The following PAN3 variants were observed in gnomAD, a reference collection of about 807,000 sequenced individuals.
PAN3 encodes the protein PAN2-PAN3 deadenylation complex subunit PAN3.
Under a neutral mutation model 96.2 loss-of-function variants are expected in PAN3, and 19 were observed. The observed-to-expected ratio is 0.20, with a 90% confidence interval of 0.14 to 0.29. PAN3 has a LOEUF of 0.29. Among genes scored for constraint, PAN3 ranks in the 10% least tolerant of loss-of-function variants. PAN3 has a pLI of 1.00. For synonymous variants in PAN3, 433 were observed against 406.6 expected (o/e 1.06, Z -0.78); for missense variants, 882 against 1,108.1 (o/e 0.80, Z 2.90).
intron 1 of PAN3, among the ~76,000 whole-genome samples, chr13:28,155,574 G>A (rs1872033092): frequency 6.6e-6 from 1 of 152,078 alleles, no homozygotes; most frequent in South Asian, 2.1e-4. Flanking sequence ...GGGCAACAGA[G>A]TGAGACTCCA....
intron 1 of PAN3, among the ~76,000 whole-genome samples, chr13:28,146,253 ATG>A (rs1870615752): frequency 6.6e-6 from 1 of 151,718 alleles, no homozygotes; most frequent in Admixed American, 6.6e-5. Context: ...ATTAAAATAT[ATG>A]TATACCATAT....
chr13:28,154,329 C>T (rs114795612), intron 1 of PAN3, among the ~76,000 whole-genome samples: 1 of 152,002 alleles, frequency 6.6e-6, no homozygotes, highest in African/African-American at 2.4e-5. Flanking sequence ...GGGATCTCAG[C>T]TGGGTACCTG....
intron 5 of PAN3, 58 bp downstream of exon 5, chr13:28,197,404 G>A: frequency 6.7e-7 from 1 of 1,482,018 alleles, no homozygotes; most frequent in African/African-American, 1.4e-5. Context: ...TGCTTTCTGT[G>A]TCTGTTTGGG....
chr13:28,252,685 A>T (rs1884832582), intron 6 of PAN3, among the ~76,000 whole-genome samples: 1 of 152,084 alleles, frequency 6.6e-6, no homozygotes, highest in Non-Finnish European at 1.5e-5. Context: ...TAAATATCTC[A>T]GTTTGCATGT....
chr13:28,167,209 T>G (rs1333232296), intron 1 of PAN3, among the ~76,000 whole-genome samples: 1 of 151,804 alleles, frequency 6.6e-6, no homozygotes, highest in East Asian at 1.9e-4. Context: ...CCCCGTTTTT[T>G]ATTTTGAGAC....
chr13:28,249,542 G>C (rs1299072820), intron 6 of PAN3, among the ~76,000 whole-genome samples: 2 of 151,958 alleles, frequency 1.3e-5, no homozygotes, highest in African/African-American at 4.8e-5. Flanking sequence ...TCCACCTCCT[G>C]GGTTCAAGTG....
intron 5 of PAN3, among the ~76,000 whole-genome samples, chr13:28,207,317 T>A (rs1274109585): frequency 6.6e-6 from 1 of 152,206 alleles, no homozygotes; most frequent in Non-Finnish European, 1.5e-5. Context: ...ATAATGTAGA[T>A]CCACCTTTAA....
intron 17 of PAN3, 77 bp downstream of exon 17, chr13:28,281,456 C>A: frequency 7.8e-7 from 1 of 1,286,922 alleles, no homozygotes; most frequent in Non-Finnish European, 1.1e-6. Context: ...GTATGCCTGG[C>A]TTTATTTGGA....
intron 14 of PAN3, among the ~76,000 whole-genome samples, chr13:28,275,439 A>G (rs1391880097): frequency 1.3e-5 from 2 of 152,180 alleles, no homozygotes; most frequent in Admixed American, 1.3e-4. Context: ...GGTGGAACCA[A>G]ACTGAAAATT....
intron 1 of PAN3, among the ~76,000 whole-genome samples, chr13:28,154,410 C>G (rs1055549057): frequency 1.3e-5 from 2 of 151,814 alleles, no homozygotes; most frequent in Non-Finnish European, 2.9e-5. Flanking sequence ...TTACTATAGG[C>G]CTTGCTGTGG....
intron 1 of PAN3, among the ~76,000 whole-genome samples, chr13:28,165,020 G>A (rs1453782511): frequency 3.3e-5 from 5 of 152,192 alleles, no homozygotes; most frequent in Non-Finnish European, 7.3e-5. Context: ...TGATTCTCCT[G>A]CCTCAGCCTC....
intron 15 of PAN3, among the ~76,000 whole-genome samples, chr13:28,278,728 A>AGTC (rs1306067505): frequency 6.6e-6 from 1 of 152,134 alleles, no homozygotes; most frequent in African/African-American, 2.4e-5. Context: ...TACCATTATT[A>AGTC]GTCCCATTTT....
chr13:28,224,024 G>A (rs574404116), intron 6 of PAN3, among the ~76,000 whole-genome samples: 5 of 151,296 alleles, frequency 3.3e-5, no homozygotes, highest in East Asian at 3.9e-4. Flanking sequence ...GCCCGCCACC[G>A]CGCCCGGCTA....
intron 6 of PAN3, among the ~76,000 whole-genome samples, chr13:28,237,235 T>C (rs1883197008): frequency 6.6e-6 from 1 of 152,156 alleles, no homozygotes; most frequent in Admixed American, 6.5e-5. Context: ...TGCTCCTCTT[T>C]TAAAATCTTT....
intron 7 of PAN3, 147 bp from the exon 8 acceptor site, chr13:28,260,300 A>T (rs754935773): frequency 4.2e-4 from 222 of 529,330 alleles, no homozygotes; most frequent in Admixed American, 1.5e-3. Context: ...AGGCTGAGGC[A>T]GGAGAATCAC....
intron 6 of PAN3, 43 bp downstream of exon 6, chr13:28,220,421 C>T: frequency 6.3e-7 from 1 of 1,575,984 alleles, no homozygotes; most frequent in Admixed American, 1.8e-5. Flanking sequence ...GATACCATGT[C>T]TGTAAGCACC....
intron 6 of PAN3, among the ~76,000 whole-genome samples, chr13:28,225,720 T>TG (rs1443924406): frequency 6.6e-6 from 1 of 152,220 alleles, no homozygotes; most frequent in Non-Finnish European, 1.5e-5. Context: ...TCCATCCACT[T>TG]GTCCTAGTCC....
At chr13:28,140,218 G>C (rs1869519978) in intron 1 of PAN3, among the ~76,000 whole-genome samples, 1 of 152,146 alleles carries the variant, frequency 6.6e-6, no homozygotes, top group African/African-American at 2.4e-5. Context: ...TCAGTGTGTT[G>C]TTATCTATTG....
At chr13:28,265,719 G>GTTTTT (rs1250740692) in intron 9 of PAN3, among the ~76,000 whole-genome samples, 1 of 10,044 alleles carries the variant, frequency 1.0e-4, no homozygotes, top group African/African-American at 6.0e-4. Flanking sequence ...TGTTTATAGG[G>GTTTTT]TTTTTTTTTT....
Sources: allele counts gnomAD v4.1 joint callset (sites outside exome capture counted in the v4.1 genomes callset), GRCh38; gene constraint gnomAD v4.1.1; transcripts MANE v1.5; gene names NCBI Gene and HGNC (gene_info 2026-07-23, HGNC 2026-07-21).